The following NLGN1 variants were observed in gnomAD, a reference collection of about 807,000 sequenced individuals.
NLGN1 encodes the protein neuroligin-1.
NLGN1 carries 12 observed loss-of-function variants against 65.5 expected under a neutral mutation model. The observed-to-expected ratio is 0.18, with a 90% CI of 0.12 to 0.30. The LOEUF is 0.30. Ranked by LOEUF, NLGN1 falls within the 10% of genes least tolerant of loss-of-function variation. NLGN1 has a pLI of 1.00. For synonymous variants in NLGN1, 350 were observed against 359.5 expected (o/e 0.97, Z 0.30); for missense variants, 750 against 1,007.1 (o/e 0.74, Z 3.46).
chr3:173,750,347 A>G (rs971580567), intron 3 of NLGN1, among the ~76,000 whole-genome samples: 2 of 152,028 alleles, frequency 1.3e-5, no homozygotes, highest in African/African-American at 4.8e-5. Context: ...CCATACCCTT[A>G]TGATTCCTGT....
At chr3:173,468,291 C>T (rs1392552904) in intron 2 of NLGN1, among the ~76,000 whole-genome samples, 1 of 152,058 alleles carries the variant, frequency 6.6e-6, no homozygotes, top group African/African-American at 2.4e-5. Flanking sequence ...GCCATATATT[C>T]TCTCAGTGAA....
chr3:173,541,213 T>G (rs565648256), intron 2 of NLGN1, among the ~76,000 whole-genome samples: 35 of 152,234 alleles, frequency 2.3e-4, no homozygotes, highest in African/African-American at 8.4e-4. Flanking sequence ...CATTCTAAAT[T>G]GACACTAAAA....
intron 3 of NLGN1, among the ~76,000 whole-genome samples, chr3:173,789,007 C>A (rs966812556): frequency 3.3e-5 from 5 of 151,818 alleles, no homozygotes; most frequent in Non-Finnish European, 7.4e-5. Context: ...ACCAACCTGG[C>A]CAATATGGTG....
intron 4 of NLGN1, among the ~76,000 whole-genome samples, chr3:174,089,853 A>T (rs1744158255): frequency 6.6e-6 from 1 of 151,862 alleles, no homozygotes; most frequent in Admixed American, 6.6e-5. Context: ...CAGAGGGCAG[A>T]GTAAGCTCTA....
At chr3:173,446,472 G>T (rs1465196651) in intron 2 of NLGN1, among the ~76,000 whole-genome samples, 2 of 152,046 alleles carry the variant, frequency 1.3e-5, no homozygotes, top group African/African-American at 4.8e-5. Context: ...TCATTGTTGG[G>T]CATTTGGGTT....
At chr3:173,991,803 TTG>T (rs2152413082) in intron 4 of NLGN1, among the ~76,000 whole-genome samples, 1 of 152,082 alleles carries the variant, frequency 6.6e-6, no homozygotes, top group East Asian at 1.9e-4. Context: ...TGTTTTTTTG[TTG>T]TTGTTGTTGT....
chr3:173,984,770 G>C (rs1010186030), intron 4 of NLGN1, among the ~76,000 whole-genome samples: 1 of 152,138 alleles, frequency 6.6e-6, no homozygotes, highest in Non-Finnish European at 1.5e-5. Context: ...CCAGCTGGGT[G>C]CAGTGGCTCA....
At chr3:173,662,653 C>T (rs935140570) in intron 3 of NLGN1, among the ~76,000 whole-genome samples, 1 of 151,952 alleles carries the variant, frequency 6.6e-6, no homozygotes, top group Non-Finnish European at 1.5e-5. Context: ...TCTTTCTTAG[C>T]CATTAGCATA....
chr3:173,539,718 A>ATATGCACATATATACATATAGGTG (rs1560406890), intron 2 of NLGN1, among the ~76,000 whole-genome samples: 4 of 128,014 alleles, frequency 3.1e-5, no homozygotes, highest in African/African-American at 1.4e-4. Context: ...ACATATATGT[A>ATATGCACATATATACATATAGGTG]CATATGCACA....
intron 4 of NLGN1, among the ~76,000 whole-genome samples, chr3:174,223,097 A>G (rs1738962960): frequency 6.6e-6 from 1 of 152,112 alleles, no homozygotes; most frequent in Non-Finnish European, 1.5e-5. Flanking sequence ...TCTTCTGTAA[A>G]TCACTGAAGA....
intron 2 of NLGN1, among the ~76,000 whole-genome samples, chr3:173,600,387 C>T (rs1183649696): frequency 1.3e-5 from 2 of 151,934 alleles, no homozygotes; most frequent in African/African-American, 4.8e-5. Context: ...CCATGCTGTC[C>T]AATCCAGACC....
chr3:174,259,200 A>G (rs1746368333), intron 4 of NLGN1, among the ~76,000 whole-genome samples: 1 of 152,088 alleles, frequency 6.6e-6, no homozygotes, highest in Admixed American at 6.6e-5. Flanking sequence ...TTTATACATT[A>G]CCCAGACCTT....
intron 3 of NLGN1, among the ~76,000 whole-genome samples, chr3:173,788,206 C>CAAAAA (rs537790655): frequency 1.6e-4 from 10 of 60,832 alleles, no homozygotes; most frequent in African/African-American, 4.9e-4. Context: ...TGACATTTTG[C>CAAAAA]AAAAAAAAAA....
chr3:173,408,926 AAG>A lies in NLGN1; in HGVS notation c.-390+10441_-390+10442del, dbSNP rs1553841393. 7.1e-3 allele frequency among the ~76,000 whole-genome samples: 1,083 copies of A among 151,790 alleles called. 6 individuals are homozygous for A. Among genetic ancestry groups the A allele is most frequent in the Non-Finnish European group, 0.011 (725 of 67,924 alleles). ...GACTCTGTCTCAAAAAAAAAAAAAA[AAG>A]AATAGGTGCATTACAACTCTGCCAG... On this transcript the variant is annotated intron_variant, in intron 1 of 6. Transcript: ENST00000457714.
At chr3:173,975,527 A>G (rs960350426) in intron 4 of NLGN1, among the ~76,000 whole-genome samples, 9 of 152,070 alleles carry the variant, frequency 5.9e-5, no homozygotes, top group Non-Finnish European at 1.2e-4. Context: ...CTAAAACTTC[A>G]AAGTGTAATC....
At chr3:173,514,103 C>T (rs541009117) in intron 2 of NLGN1, among the ~76,000 whole-genome samples, 1 of 152,112 alleles carries the variant, frequency 6.6e-6, no homozygotes, top group African/African-American at 2.4e-5. Flanking sequence ...CACACATAAA[C>T]AATGCTCAGT....
chr3:174,120,616 T>A (rs902576817), intron 4 of NLGN1, among the ~76,000 whole-genome samples: 2 of 152,326 alleles, frequency 1.3e-5, no homozygotes, highest in South Asian at 4.1e-4. Flanking sequence ...GTGACCCACT[T>A]TGACTTCTTA....
intron 4 of NLGN1, among the ~76,000 whole-genome samples, chr3:173,831,067 A>T (rs1387282573): frequency 6.6e-6 from 1 of 152,166 alleles, no homozygotes; most frequent in African/African-American, 2.4e-5. Context: ...TAATATTTTC[A>T]CTTAACATCA....
intron 4 of NLGN1, among the ~76,000 whole-genome samples, chr3:174,179,593 T>A (rs1419967182): frequency 6.6e-6 from 1 of 152,124 alleles, no homozygotes; most frequent in African/African-American, 2.4e-5. Flanking sequence ...TAACTTAAAT[T>A]ATTTCATAGA....
Sources: gnomAD v4.1 joint callset for allele counts (sites outside exome capture counted in the v4.1 genomes callset) on GRCh38, gnomAD v4.1.1 for gene constraint, MANE v1.5 for transcripts, NCBI Gene and HGNC (gene_info 2026-07-23, HGNC 2026-07-21) for gene names.